The following RNF168 variants were observed in gnomAD, a reference collection of about 807,000 sequenced individuals.
The protein encoded by RNF168 is ring finger protein 168.
A neutral mutation model predicts 34.9 loss-of-function variants in RNF168; 34 were observed. That is an observed-to-expected ratio of 0.97 (90% CI 0.74 to 1.30). RNF168 has a LOEUF of 1.30. Ranked by LOEUF, RNF168 falls within the 50% of genes most tolerant of loss-of-function variation. The pLI is 0.00. For missense variants in RNF168, 725 were observed against 682.5 expected, an observed-to-expected ratio of 1.06 and a Z score of -0.69; for synonymous variants, 264 against 254.7, an observed-to-expected ratio of 1.04 and a Z score of -0.35.
chr3:196,502,965 G>C lies in RNF168; in HGVS notation c.209C>G (p.Ser70Cys), dbSNP rs746582968. Residue 70 changes from serine to cysteine, a missense_variant, in exon 1 of 6, where the codon TCT becomes TGT. Coordinates refer to ENST00000318037, the MANE Select transcript of RNF168 (RefSeq NM_152617.4). ...CGTCCACAGTTCCACGTTGACGAGA[G>C]AATTTCTTCGGGTATGGTACCGAGT... ...SWTRYHTRRN[S>C]LVNVELWTII... 2.4e-5 allele frequency: 39 copies of C among 1,613,878 alleles called. No individual in the cohort carries two copies. Among genetic ancestry groups the C allele is most frequent in the African/African-American group, 1.1e-4 (8 of 74,912 alleles).
In RNF168 at chr3:196,472,654, A is replaced by G. The variant is rs1221255422; in HGVS notation, c.881T>C (p.Ile294Thr). ...GVGEQGADSS[I>T]ESPMPWLCAC... ...ACATAACCATGGCATAGGGGACTCT[A>G]TTGAAGAATCTGCACCTTGTTCTCC... The change falls in exon 6 of 6, where the codon ATA (isoleucine) becomes ACA (threonine). Residue 294 changes from isoleucine (I) to threonine (T), a missense_variant. Ile to Thr is a moderately conservative substitution (Grantham distance 89). Coordinates refer to ENST00000318037, the MANE Select transcript of RNF168 (RefSeq NM_152617.4). 6.2e-7 allele frequency: 1 copy of G among 1,608,986 alleles called. No homozygotes were observed. The highest frequency in any genetic ancestry group is 8.5e-7 in the Non-Finnish European group (1 of 1,175,750).
chr3:196,491,631 G>C (rs1022358937), intron 1 of RNF168, among the ~76,000 whole-genome samples: 20 of 152,208 alleles, frequency 1.3e-4, no homozygotes, highest in Non-Finnish European at 1.2e-4. Context: ...GGGCGACAGA[G>C]GGAGGCTCCG....
At chr3:196,472,892 T>C (rs994288818) in intron 5 of RNF168, 120 bp from the exon 6 acceptor site, 1 of 619,098 alleles carries the variant, frequency 1.6e-6, no homozygotes, top group East Asian at 2.8e-5. Context: ...ACTAATAAGG[T>C]ATATATTTCT....
Position 196,475,319 on chromosome 3 carries a change from GA to G in RNF168, c.681-8del. The G allele has an allele frequency of 6.4e-7, 1 of 1,573,542 alleles. No homozygotes were observed. Among genetic ancestry groups the G allele is most frequent in the Non-Finnish European group, 8.7e-7 (1 of 1,143,016 alleles). ...AGATTTCGGTGTCAAATACCTAAAA[GA>G]AAAGTTTACCAAAGTTTCAATGCTT... On this transcript the variant is annotated splice_polypyrimidine_tract_variant and splice_region_variant and intron_variant, in intron 4 of 5. Transcript: ENST00000318037.
chr3:196,497,423 G>A (rs145176624), intron 1 of RNF168, among the ~76,000 whole-genome samples: 20 of 152,184 alleles, frequency 1.3e-4, no homozygotes, highest in African/African-American at 3.9e-4. Flanking sequence ...TGTAATCCTC[G>A]CACTTTGGGA....
chr3:196,494,969 G>A (rs937404553), intron 1 of RNF168, among the ~76,000 whole-genome samples: 48 of 152,298 alleles, frequency 3.2e-4, no homozygotes, highest in Admixed American at 9.2e-4. Flanking sequence ...GGTACAGTGA[G>A]CCAAGATCGC....
At chr3:196,483,917 G>T (rs1279041116) in intron 3 of RNF168, 26 bp from the exon 4 acceptor site, 9 of 1,554,710 alleles carry the variant, frequency 5.8e-6, no homozygotes, top group African/African-American at 1.4e-5. Flanking sequence ...AAGCATAACA[G>T]ACATTATGAG....
chr3:196,483,875 C>A lies in RNF168; in HGVS notation c.575G>T (p.Gly192Val). 6.2e-7 allele frequency: 1 copy of A among 1,608,754 alleles called. No homozygotes were observed. Among genetic ancestry groups the A allele is most frequent in the Non-Finnish European group, 8.5e-7 (1 of 1,175,240 alleles). Residue 192 changes from glycine (G) to valine (V), a missense_variant, in exon 4 of 6, where the codon GGA becomes GTA. By Grantham distance (109) the Gly-to-Val change is moderately radical (BLOSUM62 -3). Coordinates refer to ENST00000318037, the MANE Select transcript of RNF168 (RefSeq NM_152617.4). ...LSIDINNFCE[G>V]SISASPLNSR... ...ATTCAAGGGAGAAGCCGAGATACTT[C>A]CCTCACAGAAATTGTTCTTCAACAA...
chr3:196,473,151 T>C (rs1299272857), intron 5 of RNF168, among the ~76,000 whole-genome samples: 1 of 152,186 alleles, frequency 6.6e-6, no homozygotes, highest in African/African-American at 2.4e-5. Flanking sequence ...ATTCCAAATA[T>C]GGCCAATAGC....
In RNF168 at chr3:196,483,898, C is replaced by T. The variant is rs753483619; in HGVS notation, c.559-7G>A. 6.9e-6 allele frequency: 11 copies of T among 1,602,422 alleles called. No individual in the cohort carries two copies. The highest frequency in any genetic ancestry group is 6.7e-5 in the Admixed American group (4 of 59,968). ...TTCCCTCACAGAAATTGTTCTTCAACAATAGAAAAAGCATAACAGACATTA... is the reference window on the plus strand; with the variant it reads ...TTCCCTCACAGAAATTGTTCTTCAATAATAGAAAAAGCATAACAGACATTA... On this transcript the variant is annotated splice_region_variant and splice_polypyrimidine_tract_variant and intron_variant, in intron 3 of 5. Coordinates refer to ENST00000318037, the MANE Select transcript of RNF168 (RefSeq NM_152617.4).
At chr3:196,489,554 T>G (rs1234488068) in intron 1 of RNF168, among the ~76,000 whole-genome samples, 1 of 152,074 alleles carries the variant, frequency 6.6e-6, no homozygotes, top group Admixed American at 6.5e-5. Context: ...TTCGAACTCC[T>G]AATGTCGGGC....
rs191557008 is a variant in RNF168, at chr3:196,485,957, T to G, written c.558+1442A>C. Among the ~76,000 whole-genome samples, 382 of 152,286 alleles carry G rather than the reference T, an allele frequency of 2.5e-3. 1 individual carries two copies. Among genetic ancestry groups the G allele is most frequent in the African/African-American group, 8.3e-3 (346 of 41,574 alleles). ...GGTCCCATCCCTAGAGACTCTGACT[T>G]AATAGATTTGGAGTAAATATGAGAG... On this transcript the variant is annotated intron_variant, in intron 3 of 5. Transcript: ENST00000318037.
At chr3:196,481,465 G>A (rs1010357559) in intron 4 of RNF168, among the ~76,000 whole-genome samples, 12 of 151,516 alleles carry the variant, frequency 7.9e-5, no homozygotes, top group African/African-American at 2.9e-4. Flanking sequence ...AAATAATTTC[G>A]ATGTTCCACT....
intron 1 of RNF168, among the ~76,000 whole-genome samples, chr3:196,500,543 T>C (rs1175424619): frequency 5.9e-5 from 9 of 152,016 alleles, no homozygotes; most frequent in Admixed American, 3.9e-4. Flanking sequence ...GAAATTCAGT[T>C]TGGGAGGATT....
intron 3 of RNF168, among the ~76,000 whole-genome samples, chr3:196,486,834 C>T (rs1000263710): frequency 1.3e-5 from 2 of 152,158 alleles, no homozygotes; most frequent in African/African-American, 2.4e-5. Context: ...TTTGAGACGC[C>T]GAGGCAGATG....
chr3:196,489,133 G>A (rs900795432), intron 1 of RNF168, among the ~76,000 whole-genome samples: 5 of 152,154 alleles, frequency 3.3e-5, no homozygotes, highest in African/African-American at 1.2e-4. Flanking sequence ...TGCGATTACA[G>A]GTGTGAGCCA....
At chr3:196,479,888 G>A (rs190828827) in intron 4 of RNF168, among the ~76,000 whole-genome samples, 386 of 152,244 alleles carry the variant, frequency 2.5e-3, no homozygotes, top group African/African-American at 8.3e-3. Flanking sequence ...TACTGCGCCC[G>A]GCTTGTGATT....
At position 196,475,526 on chromosome 3, in the gene RNF168, G is replaced by A. The variant is rs188260186; in HGVS notation, c.681-214C>T. 1,137 of 452,248 alleles carry A rather than the reference G, an allele frequency of 2.5e-3. 5 individuals carry two copies. Among genetic ancestry groups the A allele is most frequent in the South Asian group, 6.5e-3 (266 of 40,930 alleles). 28.0% of individuals were successfully genotyped at this position (452,248 alleles called of 1,614,324 possible). A position where few individuals can be genotyped will look rare whatever the true frequency, so the allele number is the denominator to read the frequency against. On this transcript the variant is annotated intron_variant, in intron 4 of 5. Coordinates refer to ENST00000318037, the MANE Select transcript of RNF168 (RefSeq NM_152617.4). Reference sequence around the variant, plus strand: ...ATTTTAGTGAAAAACAGAAAAGGAAGTAAAAGTCAAATCTAAATATTTTTT... The same window carrying A: ...ATTTTAGTGAAAAACAGAAAAGGAAATAAAAGTCAAATCTAAATATTTTTT...
At chr3:196,480,479 C>T (rs1404794371) in intron 4 of RNF168, among the ~76,000 whole-genome samples, 1 of 152,154 alleles carries the variant, frequency 6.6e-6, no homozygotes, top group African/African-American at 2.4e-5. Context: ...TGATTCTGAG[C>T]GAGACTCCGT....
Sources: gnomAD v4.1 joint callset for allele counts (sites outside exome capture counted in the v4.1 genomes callset) on GRCh38, gnomAD v4.1.1 for gene constraint, MANE v1.5 for transcripts, NCBI Gene and HGNC (gene_info 2026-07-23, HGNC 2026-07-21) for gene names.